Variants in MTMR2 observed in about 807,000 individuals in gnomAD.
MTMR2 encodes the protein phosphatidylinositol-3,5-bisphosphate 3-phosphatase MTMR2.
Under a neutral mutation model 86.9 loss-of-function variants are expected in MTMR2, and 55 were observed. The ratio of observed to expected loss-of-function variants is 0.63; its 90% CI spans 0.51 to 0.79. The LOEUF is 0.79. Among genes scored for constraint, MTMR2 ranks in the 30% least tolerant of loss-of-function variants. The probability of loss-of-function intolerance (pLI) is 0.00; values close to 1 mark genes in which losing one functional copy is unlikely to be tolerated. For synonymous variants in MTMR2, 241 were observed against 266.8 expected (o/e 0.90, Z 0.94); for missense variants, 659 against 772.3 (o/e 0.85, Z 1.74).
At chr11:95,882,884 A>G (rs1208561463) in intron 2 of MTMR2, among the ~76,000 whole-genome samples, 22 of 126,436 alleles carry the variant, frequency 1.7e-4, no homozygotes, top group African/African-American at 6.6e-4. Context: ...CACCACATCC[A>G]GCTAATTTTT....
chr11:95,865,814 T>C (rs1193188269), intron 2 of MTMR2, 138 bp from the exon 3 acceptor site: 3 of 732,450 alleles, frequency 4.1e-6, no homozygotes, highest in Admixed American at 2.2e-5. Context: ...TTTGTTAAAC[T>C]GTAGTGTTGG....
chr11:95,866,682 G>A (rs1048966065), intron 2 of MTMR2, among the ~76,000 whole-genome samples: 3 of 146,950 alleles, frequency 2.0e-5, no homozygotes, highest in Admixed American at 1.4e-4. Context: ...TTTTAAACAC[G>A]CTATCTAGTT....
intron 2 of MTMR2, among the ~76,000 whole-genome samples, chr11:95,875,424 C>G (rs537994): frequency 6.6e-6 from 1 of 152,044 alleles, no homozygotes; most frequent in Non-Finnish European, 1.5e-5. Flanking sequence ...ACGTAGTTCT[C>G]ATGCCACGGT....
intron 2 of MTMR2, among the ~76,000 whole-genome samples, chr11:95,879,328 C>G (rs1369638820): frequency 2.0e-5 from 3 of 152,110 alleles, no homozygotes; most frequent in Non-Finnish European, 4.4e-5. Flanking sequence ...GAGGGGAGGG[C>G]AGATGAGAAA....
intron 1 of MTMR2, among the ~76,000 whole-genome samples, chr11:95,908,881 C>T (rs1866391984): frequency 6.6e-6 from 1 of 152,112 alleles, no homozygotes; most frequent in African/African-American, 2.4e-5. Flanking sequence ...ATAGCCAGCA[C>T]TCTGGAATAT....
At chr11:95,882,453 T>G (rs1399268930) in intron 2 of MTMR2, 1 of 151,958 alleles carries the variant, frequency 6.6e-6, no homozygotes, top group Admixed American at 6.6e-5. Context: ...TGAGCCGAGA[T>G]GGCGCCAATG....
chr11:95,867,429 A>C (rs1245250206), intron 2 of MTMR2, among the ~76,000 whole-genome samples: 1 of 152,220 alleles, frequency 6.6e-6, no homozygotes, highest in Admixed American at 6.5e-5. Context: ...CATGGGAGAC[A>C]CAATCCTCCT....
Position 95,877,363 on chromosome 11 carries a change from T to TTTTA in MTMR2, c.186+10792_186+10793insTAAA, listed in dbSNP as rs869076328. On this transcript the variant is annotated intron_variant, in intron 2 of 14. Coordinates refer to ENST00000346299, the MANE Select transcript of MTMR2 (RefSeq NM_016156.6). ...TTTTTTTTTTTTTTTTTTTTTTTTT[T>TTTTA]ATATAACACAGTCAGGGACATTTTG... Among the ~76,000 whole-genome samples, 61 of 142,682 alleles carry TTTTA rather than the reference T, an allele frequency of 4.3e-4. 2 individuals carry two copies. Among genetic ancestry groups the TTTTA allele is most frequent in the Non-Finnish European group, 7.0e-4 (46 of 66,074 alleles). 93.6% of individuals were successfully genotyped at this position (142,682 alleles called of 152,430 possible).
At chr11:95,847,392 G>C (rs1331909963) in intron 10 of MTMR2, among the ~76,000 whole-genome samples, 1 of 152,130 alleles carries the variant, frequency 6.6e-6, no homozygotes, top group Non-Finnish European at 1.5e-5. Flanking sequence ...ACAGGGTAAA[G>C]AGTTCAGAGA....
At chr11:95,890,656 G>C (rs1039332214) in intron 1 of MTMR2, among the ~76,000 whole-genome samples, 2 of 152,212 alleles carry the variant, frequency 1.3e-5, no homozygotes, top group Non-Finnish European at 2.9e-5. Context: ...GTGCTGGCCT[G>C]CTGAGGACAA....
At chr11:95,843,839 A>G (rs1590976976) in intron 11 of MTMR2, among the ~76,000 whole-genome samples, 2 of 152,112 alleles carry the variant, frequency 1.3e-5, no homozygotes, top group African/African-American at 4.8e-5. Context: ...TTAATTTTCA[A>G]TATGGCAAAT....
intron 2 of MTMR2, among the ~76,000 whole-genome samples, chr11:95,869,891 T>A (rs1864787154): frequency 6.6e-6 from 1 of 152,110 alleles, no homozygotes; most frequent in Non-Finnish European, 1.5e-5. Context: ...GCTATGGGGA[T>A]GAGAATGAGA....
At chr11:95,907,177 G>T (rs1394802828) in intron 1 of MTMR2, among the ~76,000 whole-genome samples, 1 of 151,732 alleles carries the variant, frequency 6.6e-6, no homozygotes, top group African/African-American at 2.4e-5. Flanking sequence ...AATGACAAAG[G>T]GGGCATTACC....
At chr11:95,920,072 C>T (rs138930619) in intron 1 of MTMR2, among the ~76,000 whole-genome samples, 7 of 152,256 alleles carry the variant, frequency 4.6e-5, no homozygotes, top group African/African-American at 1.7e-4. Context: ...TATTATTTTA[C>T]CTATATCTTA....
chr11:95,838,160 C>A lies in MTMR2; in HGVS notation c.1527G>T (p.Leu509Phe). The change falls in exon 13 of 15, where the codon TTG becomes TTT. Residue 509 changes from leucine (L) to phenylalanine (F), a missense_variant. Leu to Phe is a conservative substitution (Grantham distance 22). Coordinates refer to ENST00000346299, the MANE Select transcript of MTMR2 (RefSeq NM_016156.6). The stretch of plus-strand genomic sequence containing the variant: ...CGAATAAGCAGCTGTATAGGTGGTC[C>A]AAAATGGTAATGAGAAAATACTCAT... ...EFNEYFLITI[L>F]DHLYSCLFGT... The A allele has an allele frequency of 6.2e-7, 1 of 1,611,246 alleles. No homozygotes were observed. The highest frequency in any genetic ancestry group is 1.1e-5 in the South Asian group (1 of 91,032).
intron 5 of MTMR2, among the ~76,000 whole-genome samples, chr11:95,859,959 T>G (rs1455763357): frequency 3.3e-5 from 5 of 152,226 alleles, no homozygotes; most frequent in Non-Finnish European, 7.3e-5. Context: ...TCAGAATCAT[T>G]CTGTTAACCA....
rs758482544 is a variant in MTMR2 at position 95,865,551 on chromosome 11, C to A, written c.262+50G>T. 3 of 1,491,396 alleles carry A rather than the reference C, an allele frequency of 2.0e-6. No individual in the cohort carries two copies. The Admixed American group carries it at 5.0e-5, about 25-fold the overall frequency. The allele number at this position is 1,491,396 out of a possible 1,614,324, so 92.4% of individuals were successfully genotyped here. Reference sequence around the variant, plus strand: ...CTGTATGCTGAGAGTACTGAACATTCTGCACAGTAGAACGGAGAAGGACAT... The same window carrying A: ...CTGTATGCTGAGAGTACTGAACATTATGCACAGTAGAACGGAGAAGGACAT... On this transcript the variant is annotated intron_variant, in intron 3 of 14. Coordinates refer to ENST00000346299, the MANE Select transcript of MTMR2 (RefSeq NM_016156.6).
At chr11:95,912,579 A>G (rs1866551203) in intron 1 of MTMR2, among the ~76,000 whole-genome samples, 2 of 152,082 alleles carry the variant, frequency 1.3e-5, no homozygotes, top group African/African-American at 4.8e-5. Flanking sequence ...ATTTACTCAT[A>G]TAAAGTTACA....
chr11:95,858,537 A>T lies in MTMR2; in HGVS notation c.564T>A (p.Asn188Lys). The T allele has an allele frequency of 6.2e-7, 1 of 1,604,886 alleles. No homozygotes were observed. The highest frequency in any genetic ancestry group is 8.5e-7 in the Non-Finnish European group (1 of 1,171,856). Residue 188 changes from asparagine (N) to lysine (K), a missense_variant, in exon 6 of 15, where the codon AAT (asparagine) becomes AAA (lysine). By Grantham distance (94) the Asn-to-Lys change is moderately conservative. This residue lies in a region of MTMR2 where 387 missense variants were observed against 526.3 expected (regional missense o/e 0.74). Coordinates refer to ENST00000346299, the MANE Select transcript of MTMR2 (RefSeq NM_016156.6). ...AAGACAGGAAACATTTTACCAGGTT[A>T]TTAGAGACAGGAAATGCATATTTCA... ...NLMKYAFPVS[N>K]NLPLFAFEYK...
Sources: gnomAD v4.1 joint callset for allele counts (sites outside exome capture counted in the v4.1 genomes callset) on GRCh38, gnomAD v4.1.1 for gene constraint, gnomAD v4.1.1 regional missense constraint, MANE v1.5 for transcripts, NCBI Gene and HGNC (gene_info 2026-07-23, HGNC 2026-07-21) for gene names.